STIM1: variants seen among roughly 807,000 people sequenced by gnomAD.
STIM1 encodes stromal interaction molecule 1.
In STIM1, 25 loss-of-function variants were observed where a neutral mutation model predicts 74.7. The ratio of observed to expected loss-of-function variants is 0.33; its 90% CI spans 0.24 to 0.47. The LOEUF (loss-of-function observed/expected upper bound fraction) is 0.47. Ranked by LOEUF, STIM1 falls within the 20% of genes least tolerant of loss-of-function variation. The pLI, the probability that STIM1 is intolerant of heterozygous loss-of-function variation, is 1.00. For missense variants in STIM1, 728 were observed against 920.8 expected, an observed-to-expected ratio of 0.79 and a Z score of 2.71; for synonymous variants, 328 against 348.8, an observed-to-expected ratio of 0.94 and a Z score of 0.66.
intron 1 of STIM1, among the ~76,000 whole-genome samples, chr11:3,911,374 T>C (rs1428971867): frequency 6.6e-6 from 1 of 152,228 alleles, no homozygotes; most frequent in African/African-American, 2.4e-5. Context: ...TATTCATGTT[T>C]TCCATTTTGC....
At chr11:3,991,201 T>C (rs1471964623) in intron 2 of STIM1, among the ~76,000 whole-genome samples, 6 of 150,480 alleles carry the variant, frequency 4.0e-5, no homozygotes, top group Non-Finnish European at 8.9e-5. Context: ...GTCAGGGTCT[T>C]TCTCTGTCAC....
chr11:3,982,263 A>G (rs1412293558), intron 2 of STIM1, among the ~76,000 whole-genome samples: 1 of 151,730 alleles, frequency 6.6e-6, no homozygotes, highest in Non-Finnish European at 1.5e-5. Flanking sequence ...CCTGGGCTCA[A>G]GCAATCTCTG....
Position 3,892,783 on chromosome 11 carries a change from G to C in STIM1, c.139+36374G>C, listed in dbSNP as rs58465248. On this transcript the variant is annotated intron_variant, in intron 1 of 12. Coordinates refer to ENST00000526596, the MANE Select transcript of STIM1 (RefSeq NM_001382567.1). ...TCTCTCCAGTGCTCAGAGCACGAAA[G>C]TTTTCTGCTGTCTTTGGAACCTTGT... 1.3e-3 allele frequency: 2,096 copies of C among 1,613,244 alleles called. 16 individuals are homozygous for C. In the African/African-American group the frequency reaches 0.025, roughly 20 times the overall value.
intron 1 of STIM1, among the ~76,000 whole-genome samples, chr11:3,938,193 C>T (rs1395822295): frequency 1.3e-5 from 2 of 152,086 alleles, no homozygotes; most frequent in East Asian, 1.9e-4. Flanking sequence ...CTGCCTTGGC[C>T]CCCCAAAGTG....
Position 4,087,276 on chromosome 11 carries a change from G to C in STIM1, c.1634+733G>C, listed in dbSNP as rs113622415. ...GCCATCAAGAACTACAATCTTGTCT[G>C]AGAGAGATACATAAATAATTATGGA... On this transcript the variant is annotated intron_variant, in intron 12 of 12. Coordinates refer to ENST00000526596, the MANE Select transcript of STIM1 (RefSeq NM_001382567.1). 1.8e-4 allele frequency among the ~76,000 whole-genome samples: 28 copies of C among 152,276 alleles called. 1 individual carries two copies. The highest frequency in any genetic ancestry group is 6.5e-4 in the African/African-American group (27 of 41,558).
At chr11:4,042,720 T>C (rs1381429297) in intron 3 of STIM1, among the ~76,000 whole-genome samples, 1 of 152,202 alleles carries the variant, frequency 6.6e-6, no homozygotes, top group African/African-American at 2.4e-5. Context: ...ATCTTATAGC[T>C]CTTTGTCTTT....
intron 1 of STIM1, among the ~76,000 whole-genome samples, chr11:3,917,119 T>C (rs992847163): frequency 5.3e-5 from 8 of 152,118 alleles, no homozygotes; most frequent in Non-Finnish European, 1.2e-4. Context: ...TATGTACGCG[T>C]AGTGAGATGC....
At chr11:3,906,620 T>C (rs1032742385) in intron 1 of STIM1, among the ~76,000 whole-genome samples, 1 of 152,196 alleles carries the variant, frequency 6.6e-6, no homozygotes, top group Non-Finnish European at 1.5e-5. Context: ...GTGAGGTTCT[T>C]TACATATTTA....
intron 2 of STIM1, among the ~76,000 whole-genome samples, chr11:4,016,467 C>T (rs982292810): frequency 1.3e-5 from 2 of 152,214 alleles, no homozygotes; most frequent in African/African-American, 4.8e-5. Flanking sequence ...CTGTCAGTCC[C>T]TACTGGGAGG....
At chr11:3,886,687 CAAA>C (rs199847545) in intron 1 of STIM1, among the ~76,000 whole-genome samples, 900 of 87,902 alleles carry the variant, frequency 0.01, 23 homozygotes, top group African/African-American at 0.046. Flanking sequence ...GACTCTGTGT[CAAA>C]AAAAAAAAAA....
intron 1 of STIM1, among the ~76,000 whole-genome samples, chr11:3,966,241 A>T (rs1180280970): frequency 6.6e-6 from 1 of 152,142 alleles, no homozygotes; most frequent in African/African-American, 2.4e-5. Context: ...TTGGCACATC[A>T]CTTAACATTG....
At chr11:4,024,599 G>GCA (rs1237483633) in intron 3 of STIM1, among the ~76,000 whole-genome samples, 10 of 152,162 alleles carry the variant, frequency 6.6e-5, no homozygotes. Context: ...ATAGTTGGCT[G>GCA]CAGACCTCCA....
In STIM1 at chr11:3,875,159, T is replaced by G. The variant is rs552617293; in HGVS notation, c.139+18750T>G. Among the ~76,000 whole-genome samples the G allele has an allele frequency of 1.6e-3, 248 of 152,230 alleles. 1 individual carries two copies. The highest frequency in any genetic ancestry group is 5.0e-3 in the Admixed American group (76 of 15,282). ...GACCATGGTGCTTGGATTTTGTTTG[T>G]TTGGTTGGTTTTTTGCAAAGAGCAT... On this transcript the variant is annotated intron_variant, in intron 1 of 12. Coordinates refer to ENST00000526596, the MANE Select transcript of STIM1 (RefSeq NM_001382567.1).
chr11:4,086,048 TTTAA>T (rs550788714), intron 11 of STIM1, among the ~76,000 whole-genome samples: 1 of 152,234 alleles, frequency 6.6e-6, no homozygotes, highest in Non-Finnish European at 1.5e-5. Flanking sequence ...TTACTTCTCA[TTTAA>T]TTATTAATAA....
At chr11:4,007,624 C>T (rs1046407995) in intron 2 of STIM1, among the ~76,000 whole-genome samples, 4 of 152,262 alleles carry the variant, frequency 2.6e-5, no homozygotes, top group East Asian at 1.9e-4. Context: ...GAAGAAGTCA[C>T]CTTTGATCAA....
At chr11:4,027,794 C>A (rs971690045) in intron 3 of STIM1, among the ~76,000 whole-genome samples, 1 of 152,036 alleles carries the variant, frequency 6.6e-6, no homozygotes, top group Non-Finnish European at 1.5e-5. Context: ...GAGAGAGCTG[C>A]AATTTCCAGC....
At chr11:4,039,763 T>G (rs1001105689) in intron 3 of STIM1, among the ~76,000 whole-genome samples, 6 of 151,792 alleles carry the variant, frequency 4.0e-5, no homozygotes, top group Non-Finnish European at 7.4e-5. Context: ...CTGATGATAT[T>G]TTATTTTATT....
chr11:3,923,114 AAC>A (rs1491189917), intron 1 of STIM1, among the ~76,000 whole-genome samples: 9 of 151,930 alleles, frequency 5.9e-5, no homozygotes, highest in African/African-American at 1.7e-4. Flanking sequence ...AAAAAAAAAA[AAC>A]AAACACTCTT....
chr11:4,026,136 G>A (rs1201060910), intron 3 of STIM1, among the ~76,000 whole-genome samples: 3 of 152,188 alleles, frequency 2.0e-5, no homozygotes, highest in African/African-American at 7.2e-5. Context: ...GCTGTTCTGA[G>A]TTTAGCTAGA....
Sources: gnomAD v4.1 joint callset for allele counts (sites outside exome capture counted in the v4.1 genomes callset) on GRCh38, gnomAD v4.1.1 for gene constraint, MANE v1.5 for transcripts, NCBI Gene and HGNC (gene_info 2026-07-23, HGNC 2026-07-21) for gene names.